Variants in RNF14 observed in about 807,000 individuals in gnomAD.
RNF14 encodes the protein ring finger protein 14.
A neutral mutation model predicts 52.6 loss-of-function variants in RNF14; 26 were observed. That is an observed-to-expected ratio of 0.49 (90% confidence interval 0.36 to 0.69). The LOEUF (loss-of-function observed/expected upper bound fraction) is 0.69, where lower values mean the gene tolerates loss of function less well. Among genes scored for constraint, RNF14 ranks in the 30% least tolerant of loss-of-function variants. RNF14 has a pLI of 0.00. For synonymous variants in RNF14, 194 were observed against 202.0 expected (o/e 0.96, Z 0.34); for missense variants, 404 against 560.4 (o/e 0.72, Z 2.82).
At chr5:141,972,889 C>A (rs1451470029) in intron 2 of RNF14, among the ~76,000 whole-genome samples, 1 of 152,176 alleles carries the variant, frequency 6.6e-6, no homozygotes, top group Non-Finnish European at 1.5e-5. Context: ...CCGCGCCTGG[C>A]AAATTAACTT....
chr5:141,960,269 G>A (rs747328797), intron 1 of RNF14, among the ~76,000 whole-genome samples: 8 of 152,234 alleles, frequency 5.3e-5, no homozygotes, highest in Non-Finnish European at 8.8e-5. Flanking sequence ...GCAGGTGGGG[G>A]CAGGGAAAAT....
upstream of RNF14, among the ~76,000 whole-genome samples, chr5:141,954,497 TAGA>T (rs1438998324): frequency 1.3e-5 from 2 of 152,226 alleles, no homozygotes; most frequent in Admixed American, 1.3e-4. Context: ...CAAGCAAACT[TAGA>T]AGATGGGTGG....
chr5:141,983,669 C>T, intron 7 of RNF14, 117 bp downstream of exon 7: 1 of 838,018 alleles, frequency 1.2e-6, no homozygotes, highest in Non-Finnish European at 1.8e-6. Flanking sequence ...TATTATTACA[C>T]CTTCTTACGT....
At chr5:141,970,955 TCTC>T (rs910646933) in intron 2 of RNF14, 78 bp downstream of exon 2, 1 of 152,298 alleles carries the variant, frequency 6.6e-6, no homozygotes, top group Non-Finnish European at 1.5e-5. Flanking sequence ...TGAACTAACA[TCTC>T]CTAGAAAAAA....
intron 1 of RNF14, among the ~76,000 whole-genome samples, chr5:141,960,625 T>C (rs1434772601): frequency 6.6e-6 from 1 of 152,184 alleles, no homozygotes; most frequent in Non-Finnish European, 1.5e-5. Context: ...TGAAAAGCTC[T>C]ACGCAGGATA....
chr5:141,965,375 C>T (rs570219416), upstream of RNF14, among the ~76,000 whole-genome samples: 64 of 152,326 alleles, frequency 4.2e-4, no homozygotes, highest in Admixed American at 1.0e-3. Context: ...CTAGGTGGTA[C>T]ACTGTAACCT....
Position 141,987,933 on chromosome 5 carries a change from C to G in RNF14, c.*143C>G. ...TATGGAAGAACGAGGTTTATATTTTCATGTGGTACTACTGAAGAAGGTGCA... is the reference window on the plus strand; with the variant it reads ...TATGGAAGAACGAGGTTTATATTTTGATGTGGTACTACTGAAGAAGGTGCA... On this transcript the variant is annotated 3_prime_UTR_variant, in exon 9 of 9. Transcript: ENST00000394520. 1.4e-6 allele frequency: 1 copy of G among 737,592 alleles called. No individual in the cohort carries two copies. Among genetic ancestry groups the G allele is most frequent in the South Asian group, 1.8e-5 (1 of 56,060 alleles). The allele number at this position is 737,592 out of a possible 1,614,324, so 45.7% of individuals were successfully genotyped here. A position where few individuals can be genotyped will look rare whatever the true frequency, so the allele number is the denominator to read the frequency against.
At chr5:141,956,331 T>C (rs1449366964), upstream of RNF14, 2 of 1,614,222 alleles carry the variant, frequency 1.2e-6, no homozygotes, top group Non-Finnish European at 1.7e-6. Context: ...CAATAGCTAC[T>C]AAGTGAGCAA....
At chr5:141,978,991 C>T (rs1754511230) in intron 5 of RNF14, among the ~76,000 whole-genome samples, 161 bp downstream of exon 5, 1 of 152,218 alleles carries the variant, frequency 6.6e-6, no homozygotes, top group Non-Finnish European at 1.5e-5. Context: ...TGGTCTTAGT[C>T]TACTGCTTAA....
rs1458460473 is a variant in RNF14, at chr5:141,973,753, A to G, written c.154+11A>G. The stretch of plus-strand genomic sequence containing the variant: ...AGATATTTGTGAGCGGTTAGTTAAT[A>G]ATTTCTTAAACAGATTTTTCTATTA... On this transcript the variant is annotated intron_variant, in intron 3 of 8. Transcript: ENST00000394520. 2 of 1,583,924 alleles carry G rather than the reference A, an allele frequency of 1.3e-6. No homozygotes were observed. The highest frequency in any genetic ancestry group is 1.7e-6 in the Non-Finnish European group (2 of 1,168,896).
chr5:141,957,720 T>C (rs1379138709), upstream of RNF14: 1 of 1,613,958 alleles, frequency 6.2e-7, no homozygotes, highest in African/African-American at 1.3e-5. This position sits in a 1 kb window ranked among gnomAD's most constrained non-coding sequence, Gnocchi z 4.3. Flanking sequence ...TCCCGATCAC[T>C]GTACCAGATG....
At chr5:141,965,192 C>A (rs886222106), upstream of RNF14, among the ~76,000 whole-genome samples, 2 of 152,088 alleles carry the variant, frequency 1.3e-5, no homozygotes, top group Non-Finnish European at 2.9e-5. Flanking sequence ...AGGAGGCAGT[C>A]CCCCCTGGGA....
chr5:141,953,592 G>A (rs1196683114), upstream of RNF14, among the ~76,000 whole-genome samples: 1 of 152,160 alleles, frequency 6.6e-6, no homozygotes, highest in Non-Finnish European at 1.5e-5. Context: ...ATCCCAAATG[G>A]GCACCTTTCT....
chr5:141,957,796 A>T, upstream of RNF14: 2 of 1,605,410 alleles, frequency 1.2e-6, no homozygotes, highest in Non-Finnish European at 1.7e-6. This position sits in a 1 kb window ranked among gnomAD's most constrained non-coding sequence, Gnocchi z 4.3. Flanking sequence ...CCCTAAAAGA[A>T]ATAAGTAGCC....
Position 141,973,637 on chromosome 5 carries a change from G to A in RNF14, c.49G>A (p.Ala17Thr). ...EAQEDELLAL[A>T]SIYDGDEFRK... ...TCAGGAGGATGAATTGCTGGCCCTG[G>A]CAAGTATTTACGATGGAGATGAATT... Residue 17 changes from alanine (A) to threonine (T), a missense_variant, in exon 3 of 9, where the codon GCA becomes ACA. Coordinates refer to ENST00000394520, the MANE Select transcript of RNF14 (RefSeq NM_004290.5). 5 of 1,613,842 alleles carry A rather than the reference G, an allele frequency of 3.1e-6. No homozygotes were observed. The highest frequency in any genetic ancestry group is 4.2e-6 in the Non-Finnish European group (5 of 1,179,854).
intron 3 of RNF14, among the ~76,000 whole-genome samples, chr5:141,974,252 A>G (rs7707253): frequency 1.3e-5 from 2 of 152,226 alleles, no homozygotes; most frequent in African/African-American, 4.8e-5. Flanking sequence ...TCTACTATAA[A>G]GGGATTGAGT....
At position 141,989,601 on chromosome 5, in the gene RNF14, G is replaced by A. The variant is rs890240786; in HGVS notation, c.*1811G>A. ...CCAGCTACTCAGGAGGCTGAGGCAG[G>A]AGAATGGCATGAACCTGGGAGGTGG... is the stretch of plus-strand genomic sequence containing the variant. On this transcript the variant is annotated 3_prime_UTR_variant, in exon 9 of 9. Coordinates refer to ENST00000394520, the MANE Select transcript of RNF14 (RefSeq NM_004290.5). 6.6e-6 allele frequency: 1 copy of A among 151,684 alleles called. No homozygotes were observed. The highest frequency in any genetic ancestry group is 1.5e-5 in the Non-Finnish European group (1 of 68,026). 9.4% of individuals were successfully genotyped at this position (151,684 alleles called of 1,614,324 possible).
At chr5:141,957,483 G>T, upstream of RNF14, 1 of 1,613,466 alleles carries the variant, frequency 6.2e-7, no homozygotes, top group Non-Finnish European at 8.5e-7. This position sits in a 1 kb window ranked among gnomAD's most constrained non-coding sequence, Gnocchi z 4.3. Context: ...CCAGCACTTG[G>T]ATCTCCACAT....
chr5:141,971,356 C>T (rs548533511), intron 2 of RNF14, among the ~76,000 whole-genome samples: 7 of 152,228 alleles, frequency 4.6e-5, no homozygotes, highest in Admixed American at 4.6e-4. Flanking sequence ...ATCCTCCTGC[C>T]ACAGTCTCCT....
Sources: allele counts gnomAD v4.1 joint callset (sites outside exome capture counted in the v4.1 genomes callset), GRCh38; gene constraint gnomAD v4.1.1; non-coding constraint Gnocchi (gnomAD v3.1); transcripts MANE v1.5; gene names NCBI Gene and HGNC (gene_info 2026-07-23, HGNC 2026-07-21).